The following DNAH14 variants were observed in gnomAD, a reference collection of about 807,000 sequenced individuals.
DNAH14 encodes the protein dynein axonemal heavy chain 14.
DNAH14 carries 478 observed loss-of-function variants against 520.9 expected under a neutral mutation model. The observed-to-expected ratio is 0.92, with a 90% CI of 0.85 to 0.99. The LOEUF is 0.99. Among genes scored for constraint, DNAH14 ranks in the 50% least tolerant of loss-of-function variants. DNAH14 has a pLI of 0.00. For missense variants in DNAH14, 4,831 were observed against 5,234.5 expected (o/e 0.92, Z 2.38); for synonymous variants, 1,581 against 1,757.2 (o/e 0.90, Z 2.51).
At chr1:225,380,390 G>A in intron 80 of DNAH14, 68 bp downstream of exon 80, 1 of 1,460,748 alleles carries the variant, frequency 6.8e-7, no homozygotes, top group Non-Finnish European at 9.1e-7. Flanking sequence ...GGTGTCAGGA[G>A]TAAGGTAAAG....
At chr1:225,118,709 C>T (rs2077055294) in intron 25 of DNAH14, among the ~76,000 whole-genome samples, 1 of 151,644 alleles carries the variant, frequency 6.6e-6, no homozygotes, top group East Asian at 1.9e-4. Context: ...ATGGTGAAAC[C>T]CTATCTCTAC....
chr1:224,973,809 G>A (rs967976159), intron 7 of DNAH14, among the ~76,000 whole-genome samples: 6 of 151,942 alleles, frequency 3.9e-5, no homozygotes, highest in East Asian at 3.9e-4. Flanking sequence ...AAAGGAAAAC[G>A]GTATTTTAAA....
intron 35 of DNAH14, among the ~76,000 whole-genome samples, chr1:225,161,751 A>G (rs2081539629): frequency 6.6e-6 from 1 of 152,138 alleles, no homozygotes; most frequent in African/African-American, 2.4e-5. Context: ...TATTTCTCTG[A>G]TGATCAATAA....
intron 27 of DNAH14, among the ~76,000 whole-genome samples, chr1:225,130,187 G>A (rs947971559): frequency 1.3e-5 from 2 of 152,210 alleles, no homozygotes; most frequent in African/African-American, 2.4e-5. Context: ...TAGAGAGGAT[G>A]TGGAGAAATA....
rs183824370 is a variant in DNAH14 at position 225,022,225 on chromosome 1, T to A, written c.1108-1390T>A. ...TTTATGACCTAGTCCCCAAATGCAATTGCAGCAAAAACAAAATTGATAAGT... is the reference window on the plus strand; with the variant it reads ...TTTATGACCTAGTCCCCAAATGCAAATGCAGCAAAAACAAAATTGATAAGT... On this transcript the variant is annotated intron_variant, in intron 10 of 85. Transcript: ENST00000682510. Among the ~76,000 whole-genome samples, 39 of 152,194 alleles carry A rather than the reference T, an allele frequency of 2.6e-4. No homozygotes were observed. In the East Asian group the frequency reaches 7.3e-3, roughly 29 times the overall value.
intron 41 of DNAH14, among the ~76,000 whole-genome samples, chr1:225,225,613 C>T (rs2090461762): frequency 6.6e-6 from 1 of 152,170 alleles, no homozygotes; most frequent in African/African-American, 2.4e-5. Context: ...TTCAACACTA[C>T]TAGCACAAGT....
chr1:225,180,874 A>G (rs950215307), intron 36 of DNAH14, among the ~76,000 whole-genome samples: 11 of 152,162 alleles, frequency 7.2e-5, no homozygotes, highest in African/African-American at 2.7e-4. Flanking sequence ...GGTTTGTGAC[A>G]TGGTTATATT....
At chr1:225,197,286 G>T (rs1001799230) in intron 38 of DNAH14, among the ~76,000 whole-genome samples, 1 of 152,100 alleles carries the variant, frequency 6.6e-6, no homozygotes, top group African/African-American at 2.4e-5. Flanking sequence ...AGCACCATTT[G>T]TTGAGTAGGG....
In DNAH14 at chr1:224,952,692, C is replaced by G; in HGVS notation, c.-11C>G. On this transcript the variant is annotated 5_prime_UTR_variant, in exon 2 of 86. Coordinates refer to ENST00000682510, the MANE Select transcript of DNAH14 (RefSeq NM_001367479.1). ...CAGCCAGTTCCTTTATAGTTTTGTT[C>G]AGAAAAACATATGGAGACGTTTATA... 6.4e-7 allele frequency: 1 copy of G among 1,562,042 alleles called. No individual in the cohort carries two copies. Among genetic ancestry groups the G allele is most frequent in the Non-Finnish European group, 8.6e-7 (1 of 1,159,600 alleles).
chr1:225,063,867 G>GGA (rs772114325), intron 17 of DNAH14, among the ~76,000 whole-genome samples: 4 of 149,796 alleles, frequency 2.7e-5, no homozygotes, highest in Non-Finnish European at 5.9e-5. Context: ...CAAGTGAAAA[G>GGA]GAGAAAATTG....
Position 224,995,429 on chromosome 1 carries a change from A to AT in DNAH14, c.831-7345dup, listed in dbSNP as rs551464328. ...CAAATCTGCTGATTGTTATACTGGG[A>AT]TTTTTTTTTGTATATGATCTGTTTC... On this transcript the variant is annotated intron_variant, in intron 8 of 85. Coordinates refer to ENST00000682510, the MANE Select transcript of DNAH14 (RefSeq NM_001367479.1). Among the ~76,000 whole-genome samples the AT allele has an allele frequency of 3.5e-3, 521 of 150,362 alleles. 4 individuals carry two copies. Among genetic ancestry groups the AT allele is most frequent in the African/African-American group, 8.4e-3 (342 of 40,928 alleles).
At chr1:225,007,348 A>G in intron 9 of DNAH14, 65 bp from the exon 10 acceptor site, 1 of 1,331,840 alleles carries the variant, frequency 7.5e-7, no homozygotes, top group Non-Finnish European at 9.8e-7. Flanking sequence ...AAGACCAAAT[A>G]TTTTATCTTT....
At chr1:225,193,063 A>G (rs566035437) in intron 38 of DNAH14, among the ~76,000 whole-genome samples, 152 bp downstream of exon 38, 1 of 152,324 alleles carries the variant, frequency 6.6e-6, no homozygotes, top group South Asian at 2.1e-4. Context: ...GAGAAAAATT[A>G]TGTTATTAAA....
At chr1:225,340,843 C>T in intron 69 of DNAH14, 142 bp downstream of exon 69, 1 of 1,012,084 alleles carries the variant, frequency 9.9e-7, no homozygotes, top group Admixed American at 2.9e-5. Context: ...TGAATCACCC[C>T]ATTTCTAAAC....
At position 225,280,492 on chromosome 1, in the gene DNAH14, G is replaced by A. The variant is rs529206207; in HGVS notation, c.8271+2990G>A. 5.3e-5 allele frequency among the ~76,000 whole-genome samples: 8 copies of A among 152,004 alleles called. No homozygotes were observed. The East Asian group carries it at 9.7e-4, about 18-fold the overall frequency. Reference sequence around the variant, plus strand: ...TGGGTGCCTGTAGTCCCAGCTACTCGGGAGGCTGAGGCAGGAGAATGATGT... The same window carrying A: ...TGGGTGCCTGTAGTCCCAGCTACTCAGGAGGCTGAGGCAGGAGAATGATGT... On this transcript the variant is annotated intron_variant, in intron 54 of 85. Transcript: ENST00000682510.
intron 37 of DNAH14, among the ~76,000 whole-genome samples, chr1:225,191,543 T>G (rs2085441538): frequency 6.7e-6 from 1 of 149,480 alleles, no homozygotes; most frequent in Non-Finnish European, 1.5e-5. Context: ...CTCTTTGTGT[T>G]TATTTTTCTT....
At chr1:225,379,671 G>A (rs1277998737) in intron 79 of DNAH14, among the ~76,000 whole-genome samples, 2 of 151,904 alleles carry the variant, frequency 1.3e-5, no homozygotes, top group East Asian at 3.9e-4. Flanking sequence ...CAGACTACAG[G>A]CGCCCACCAT....
At chr1:224,958,931 A>AT (rs1031160515) in intron 3 of DNAH14, among the ~76,000 whole-genome samples, 7 of 151,888 alleles carry the variant, frequency 4.6e-5, no homozygotes, top group South Asian at 2.1e-4. Context: ...AAGGAATAGG[A>AT]TTTTTTTTAT....
intron 78 of DNAH14, among the ~76,000 whole-genome samples, 159 bp from the exon 79 acceptor site, chr1:225,377,078 T>C (rs554463620): frequency 2.6e-5 from 4 of 152,214 alleles, no homozygotes; most frequent in South Asian, 4.1e-4. Flanking sequence ...GTCTATAATA[T>C]ACCACATGCA....
Sources: allele counts gnomAD v4.1 joint callset (sites outside exome capture counted in the v4.1 genomes callset), GRCh38; gene constraint gnomAD v4.1.1; transcripts MANE v1.5; gene names NCBI Gene and HGNC (gene_info 2026-07-23, HGNC 2026-07-21).